CDH13: variants seen among roughly 807,000 people sequenced by gnomAD.
The protein encoded by CDH13 is cadherin 13.
Under a neutral mutation model 63.8 loss-of-function variants are expected in CDH13, and 24 were observed. That is an observed-to-expected ratio of 0.38 (90% CI 0.27 to 0.53). CDH13 has a LOEUF of 0.53. Ranked by LOEUF, CDH13 falls within the 20% of genes least tolerant of loss-of-function variation. CDH13 has a pLI of 0.85. For synonymous variants in CDH13, 503 were observed against 355.3 expected (o/e 1.42, Z -4.67); for missense variants, 1,049 against 903.1 (o/e 1.16, Z -2.07).
At chr16:83,356,815 A>T (rs542285454) in intron 6 of CDH13, among the ~76,000 whole-genome samples, 73 of 152,320 alleles carry the variant, frequency 4.8e-4, no homozygotes, top group South Asian at 1.7e-3. Flanking sequence ...AAAGAAAAAA[A>T]GTTTAATAGA....
chr16:83,091,912 A>G (rs1221692692), intron 3 of CDH13, among the ~76,000 whole-genome samples: 2 of 152,246 alleles, frequency 1.3e-5, no homozygotes, highest in African/African-American at 4.8e-5. Flanking sequence ...GAATAAATGT[A>G]TCTTTCACAC....
At chr16:83,355,726 T>C (rs1330731538) in intron 6 of CDH13, among the ~76,000 whole-genome samples, 1 of 152,158 alleles carries the variant, frequency 6.6e-6, no homozygotes, top group African/African-American at 2.4e-5. Flanking sequence ...TCTGTAGAGC[T>C]TGCAGACGAA....
Position 82,668,022 on chromosome 16 carries a change from G to C in CDH13, c.45+40885G>C, listed in dbSNP as rs150724141. ...CTATCGCGACACCATTACCAGGACT[G>C]CGCTCTGAATCTTTAGAGATTATCT... On this transcript the variant is annotated intron_variant, in intron 1 of 13. Coordinates refer to ENST00000567109, the MANE Select transcript of CDH13 (RefSeq NM_001257.5). 2.8e-3 allele frequency among the ~76,000 whole-genome samples: 428 copies of C among 152,276 alleles called. 4 individuals are homozygous for C. The highest frequency in any genetic ancestry group is 9.9e-3 in the African/African-American group (410 of 41,554).
intron 7 of CDH13, among the ~76,000 whole-genome samples, chr16:83,522,645 T>C (rs2074867564): frequency 6.6e-6 from 1 of 152,190 alleles, no homozygotes. Flanking sequence ...CAGTGGGTTC[T>C]TAAACACCTG....
intron 1 of CDH13, among the ~76,000 whole-genome samples, chr16:82,779,929 G>T (rs975743927): frequency 6.6e-6 from 1 of 152,138 alleles, no homozygotes; most frequent in Non-Finnish European, 1.5e-5. Flanking sequence ...AAATACATCT[G>T]CACATGTGTA....
At chr16:83,105,190 G>A (rs1488215005) in intron 3 of CDH13, among the ~76,000 whole-genome samples, 3 of 152,104 alleles carry the variant, frequency 2.0e-5, no homozygotes, top group African/African-American at 7.2e-5. Context: ...TCAATCTGGG[G>A]CCTGCTTTCC....
intron 6 of CDH13, among the ~76,000 whole-genome samples, chr16:83,380,339 C>G (rs181059071): frequency 1.8e-4 from 28 of 152,016 alleles, no homozygotes; most frequent in Non-Finnish European, 3.7e-4. Context: ...CTTAAAATTC[C>G]CAAAATATGA....
At chr16:83,457,065 C>G (rs2073042979) in intron 6 of CDH13, among the ~76,000 whole-genome samples, 1 of 152,146 alleles carries the variant, frequency 6.6e-6, no homozygotes, top group Admixed American at 6.5e-5. Flanking sequence ...TTGATTTTGA[C>G]TTTGGGCTTC....
At chr16:83,258,443 A>G (rs1471158297) in intron 5 of CDH13, among the ~76,000 whole-genome samples, 1 of 152,204 alleles carries the variant, frequency 6.6e-6, no homozygotes, top group Non-Finnish European at 1.5e-5. Context: ...CTGGTCTAGA[A>G]ATAAAAAGAT....
At chr16:83,498,496 C>G (rs1417529926) in intron 7 of CDH13, among the ~76,000 whole-genome samples, 1 of 152,182 alleles carries the variant, frequency 6.6e-6, no homozygotes, top group Non-Finnish European at 1.5e-5. Context: ...AACAAAGAAA[C>G]TGAAAGAACA....
chr16:82,878,982 G>A (rs1434065881), intron 2 of CDH13, among the ~76,000 whole-genome samples: 1 of 152,036 alleles, frequency 6.6e-6, no homozygotes, highest in Non-Finnish European at 1.5e-5. Context: ...GTTTGCTGAT[G>A]TCATCCCCTC....
intron 1 of CDH13, among the ~76,000 whole-genome samples, chr16:82,648,216 T>C (rs1910324594): frequency 1.3e-5 from 2 of 152,194 alleles, no homozygotes; most frequent in African/African-American, 4.8e-5. Flanking sequence ...ATAAAAATAG[T>C]CATGCACTTT....
At chr16:83,455,408 C>T (rs953861799) in intron 6 of CDH13, among the ~76,000 whole-genome samples, 1 of 152,118 alleles carries the variant, frequency 6.6e-6, no homozygotes, top group African/African-American at 2.4e-5. Flanking sequence ...GGGGATGAGT[C>T]GCAGGTTCCA....
intron 3 of CDH13, among the ~76,000 whole-genome samples, chr16:83,076,582 C>A (rs936637161): frequency 4.6e-5 from 7 of 152,118 alleles, no homozygotes; most frequent in African/African-American, 7.2e-5. Flanking sequence ...CTCGATTCTA[C>A]AGTTTACATT....
intron 2 of CDH13, among the ~76,000 whole-genome samples, chr16:82,948,986 A>G (rs1905022737): frequency 6.6e-6 from 1 of 152,196 alleles, no homozygotes; most frequent in Non-Finnish European, 1.5e-5. Flanking sequence ...GTGACTGTAA[A>G]CATCTTTCAA....
chr16:83,413,645 C>A lies in CDH13; in HGVS notation c.781+68639C>A, dbSNP rs114277913. ...TGCAGCCCATAATAGGCTGTGCCAA[C>A]CCCACTTATCCTCAAAACAGCCCTC... On this transcript the variant is annotated intron_variant, in intron 6 of 13. Transcript: ENST00000567109. Among the ~76,000 whole-genome samples, 263 of 152,244 alleles carry A rather than the reference C, an allele frequency of 1.7e-3. 1 individual carries two copies. Among genetic ancestry groups the A allele is most frequent in the African/African-American group, 6.0e-3 (250 of 41,554 alleles).
chr16:82,780,209 C>T lies in CDH13; in HGVS notation c.46-78153C>T, dbSNP rs552316688. ...TTTAAGAAAAAAACCCCACATATGT[C>T]GACCCACAAGTGGTTACAACAACAT... On this transcript the variant is annotated intron_variant, in intron 1 of 13. Coordinates refer to ENST00000567109, the MANE Select transcript of CDH13 (RefSeq NM_001257.5). Among the ~76,000 whole-genome samples, 6 of 152,226 alleles carry T rather than the reference C, an allele frequency of 3.9e-5. No homozygotes were observed. In the South Asian group the frequency reaches 8.3e-4, roughly 21 times the overall value.
intron 1 of CDH13, among the ~76,000 whole-genome samples, chr16:82,742,338 T>C (rs1209506001): frequency 6.6e-6 from 1 of 152,122 alleles, no homozygotes; most frequent in African/African-American, 2.4e-5. Context: ...CTTTCTCTAG[T>C]TTCCAAATTT....
intron 1 of CDH13, among the ~76,000 whole-genome samples, chr16:82,768,309 C>T (rs939025321): frequency 2.0e-5 from 3 of 152,182 alleles, no homozygotes; most frequent in South Asian, 2.1e-4. Flanking sequence ...AATGATGCCT[C>T]TCACATGGCC....
Sources: gnomAD v4.1 joint callset for allele counts (sites outside exome capture counted in the v4.1 genomes callset) on GRCh38, gnomAD v4.1.1 for gene constraint, MANE v1.5 for transcripts, NCBI Gene and HGNC (gene_info 2026-07-23, HGNC 2026-07-21) for gene names.